Variants in IGSF11 observed in about 807,000 individuals in gnomAD.
IGSF11 encodes immunoglobulin superfamily member 11.
In IGSF11, 22 loss-of-function variants were observed where a neutral mutation model predicts 41.0. The ratio of observed to expected loss-of-function variants is 0.54; its 90% CI spans 0.38 to 0.77. The LOEUF (loss-of-function observed/expected upper bound fraction) is 0.77, where lower values mean the gene tolerates loss of function less well. Ranked by LOEUF, IGSF11 falls within the 30% of genes least tolerant of loss-of-function variation. The pLI, the probability that IGSF11 is intolerant of heterozygous loss-of-function variation, is 0.00. For synonymous variants in IGSF11, 219 were observed against 201.3 expected, an observed-to-expected ratio of 1.09 and a Z score of -0.74; for missense variants, 444 against 530.8, an observed-to-expected ratio of 0.84 and a Z score of 1.61.
chr3:119,056,847 T>A (rs1173644803), intron 1 of IGSF11, among the ~76,000 whole-genome samples: 2 of 152,182 alleles, frequency 1.3e-5, no homozygotes, highest in African/African-American at 2.4e-5. Context: ...TAATCCAGCA[T>A]ATAAACAGAA....
At position 118,905,462 on chromosome 3, in the gene IGSF11, A is replaced by C. The variant is rs150972602; in HGVS notation, c.703+134T>G. The stretch of plus-strand genomic sequence containing the variant: ...CATTTATAAACAATTTTCAATAATA[A>C]TTAAAACCAAAACAATTTCTATTTA... On this transcript the variant is annotated intron_variant, in intron 5 of 6. Transcript: ENST00000393775. 1.3e-3 allele frequency: 1,316 copies of C among 980,666 alleles called. 27 individuals are homozygous for C. The East Asian group carries it at 0.03, about 23-fold the overall frequency. The allele number at this position is 980,666 out of a possible 1,614,324, so 60.7% of individuals were successfully genotyped here. A position where few individuals can be genotyped will look rare whatever the true frequency, so the allele number is the denominator to read the frequency against.
At chr3:119,142,560 GGAA>G (rs1349166555) in intron 1 of IGSF11, among the ~76,000 whole-genome samples, 2 of 151,840 alleles carry the variant, frequency 1.3e-5, no homozygotes, top group African/African-American at 2.4e-5. Context: ...CTGAAGAAAA[GGAA>G]GAAGAATGAA....
chr3:119,136,807 T>C (rs1328211009), intron 1 of IGSF11, among the ~76,000 whole-genome samples: 1 of 152,018 alleles, frequency 6.6e-6, no homozygotes, highest in Non-Finnish European at 1.5e-5. Context: ...CAGATCCAGA[T>C]ATAATCTTGT....
chr3:118,942,057 G>A (rs1943736710), intron 1 of IGSF11, among the ~76,000 whole-genome samples: 1 of 152,120 alleles, frequency 6.6e-6, no homozygotes, highest in Non-Finnish European at 1.5e-5. Context: ...TCACGGTTAT[G>A]GTAGTGAACA....
chr3:119,084,292 G>A (rs947909330), intron 1 of IGSF11, among the ~76,000 whole-genome samples: 5 of 152,102 alleles, frequency 3.3e-5, no homozygotes, highest in African/African-American at 7.2e-5. Flanking sequence ...TGGGAATCTC[G>A]TGTGGGGTGC....
chr3:119,025,870 C>T (rs1358459523), intron 1 of IGSF11, among the ~76,000 whole-genome samples: 1 of 152,064 alleles, frequency 6.6e-6, no homozygotes, highest in Admixed American at 6.5e-5. Flanking sequence ...AGAGAAAACA[C>T]AAATGTGCAT....
At chr3:119,116,223 G>A (rs1434322476) in intron 1 of IGSF11, among the ~76,000 whole-genome samples, 1 of 152,106 alleles carries the variant, frequency 6.6e-6, no homozygotes, top group African/African-American at 2.4e-5. Context: ...GTCCTGAACA[G>A]AACAAAAAGG....
intron 1 of IGSF11, among the ~76,000 whole-genome samples, chr3:119,088,887 G>C (rs965608467): frequency 6.6e-6 from 1 of 152,096 alleles, no homozygotes; most frequent in Admixed American, 6.5e-5. Flanking sequence ...TCCCAAGATT[G>C]AATCAGGAAG....
At chr3:118,934,801 C>T (rs1390294126) in intron 1 of IGSF11, among the ~76,000 whole-genome samples, 1 of 152,186 alleles carries the variant, frequency 6.6e-6, no homozygotes, top group Non-Finnish European at 1.5e-5. Flanking sequence ...GTCATCATCT[C>T]CCAAACCCAA....
chr3:119,120,891 G>A (rs896256749), intron 1 of IGSF11, among the ~76,000 whole-genome samples: 1 of 152,164 alleles, frequency 6.6e-6, no homozygotes, highest in Admixed American at 6.5e-5. Context: ...AGAAGAAATG[G>A]TTTGGGGTTG....
chr3:119,029,274 A>ACACACACACC (rs35892047), intron 1 of IGSF11, among the ~76,000 whole-genome samples: 4 of 143,710 alleles, frequency 2.8e-5, no homozygotes, highest in African/African-American at 1.0e-4. Context: ...ACACACACAC[A>ACACACACACC]CCCGAGAGAG....
intron 1 of IGSF11, among the ~76,000 whole-genome samples, chr3:119,079,583 T>C (rs2076556158): frequency 6.6e-6 from 1 of 152,160 alleles, no homozygotes; most frequent in Non-Finnish European, 1.5e-5. Flanking sequence ...TACGTGTACA[T>C]GTGTGTTCAT....
At chr3:119,075,872 G>C (rs1167625253) in intron 1 of IGSF11, among the ~76,000 whole-genome samples, 3 of 152,110 alleles carry the variant, frequency 2.0e-5, no homozygotes, top group African/African-American at 7.2e-5. Flanking sequence ...TCCCCATCAA[G>C]CTACCAATGA....
At chr3:118,914,752 CCA>C (rs1475367492) in intron 4 of IGSF11, among the ~76,000 whole-genome samples, 1 of 135,510 alleles carries the variant, frequency 7.4e-6, no homozygotes, top group Non-Finnish European at 1.6e-5. Flanking sequence ...GTGGAGCCCA[CCA>C]CAGCTCAAGG....
chr3:118,940,894 T>C (rs1034467039), intron 1 of IGSF11, among the ~76,000 whole-genome samples: 1 of 106,956 alleles, frequency 9.3e-6, no homozygotes, highest in Non-Finnish European at 2.0e-5. Context: ...GGGGAAAAAA[T>C]AATCTCCATA....
chr3:118,964,488 C>T (rs1945543521), intron 1 of IGSF11, among the ~76,000 whole-genome samples: 1 of 152,040 alleles, frequency 6.6e-6, no homozygotes, highest in Non-Finnish European at 1.5e-5. Context: ...GGTAAGTACA[C>T]ACTTTACAGC....
At chr3:119,002,495 T>G (rs1937006476) in intron 1 of IGSF11, among the ~76,000 whole-genome samples, 1 of 129,736 alleles carries the variant, frequency 7.7e-6, no homozygotes, top group South Asian at 2.7e-4. Context: ...CATTTGTCAA[T>G]TTTGGCTTTT....
At chr3:118,989,541 A>G (rs1477965929) in intron 1 of IGSF11, among the ~76,000 whole-genome samples, 1 of 152,026 alleles carries the variant, frequency 6.6e-6, no homozygotes, top group East Asian at 1.9e-4. Context: ...TTAGTAGAAG[A>G]CACGGGGTTT....
intron 1 of IGSF11, among the ~76,000 whole-genome samples, chr3:119,089,809 G>C (rs2076733730): frequency 6.6e-6 from 1 of 152,190 alleles, no homozygotes; most frequent in Non-Finnish European, 1.5e-5. Context: ...CAGATCAGCT[G>C]AGATTGAGAG....
Sources: allele counts gnomAD v4.1 joint callset (sites outside exome capture counted in the v4.1 genomes callset), GRCh38; gene constraint gnomAD v4.1.1; transcripts MANE v1.5; gene names NCBI Gene and HGNC (gene_info 2026-07-23, HGNC 2026-07-21).